EFCAB11: variants seen among roughly 807,000 people sequenced by gnomAD.
EFCAB11 encodes EF-hand calcium-binding domain-containing protein 11.
EFCAB11 carries 14 observed loss-of-function variants against 23.0 expected under a neutral mutation model. The observed-to-expected ratio is 0.61, with a 90% confidence interval of 0.40 to 0.95. The LOEUF (loss-of-function observed/expected upper bound fraction) is 0.95. Ranked by LOEUF, EFCAB11 falls within the 40% of genes least tolerant of loss-of-function variation. EFCAB11 has a pLI of 0.00. For missense variants in EFCAB11, 198 were observed against 195.8 expected (o/e 1.01, Z -0.07); for synonymous variants, 65 against 66.6 (o/e 0.98, Z 0.11).
intron 5 of EFCAB11, among the ~76,000 whole-genome samples, chr14:89,880,342 G>A (rs1888563355): frequency 6.6e-6 from 1 of 152,108 alleles, no homozygotes; most frequent in Non-Finnish European, 1.5e-5. Context: ...CCTGATCTTG[G>A]ACTTCCCAGC....
chr14:89,856,319 A>G (rs1248989365), intron 5 of EFCAB11, among the ~76,000 whole-genome samples: 1 of 151,802 alleles, frequency 6.6e-6, no homozygotes, highest in Non-Finnish European at 1.5e-5. Flanking sequence ...CCCCCAAATA[A>G]CTGGGACTAC....
At chr14:89,928,180 G>T (rs950478544) in intron 5 of EFCAB11, among the ~76,000 whole-genome samples, 4 of 152,130 alleles carry the variant, frequency 2.6e-5, no homozygotes, top group Non-Finnish European at 4.4e-5. Flanking sequence ...GGAAGTACAA[G>T]ATTTGTGGGC....
chr14:89,903,561 G>A (rs1445492136), intron 5 of EFCAB11, among the ~76,000 whole-genome samples: 2 of 145,584 alleles, frequency 1.4e-5, no homozygotes, highest in Non-Finnish European at 3.0e-5. Context: ...TCCTTATAAT[G>A]GGTAAAAGAG....
chr14:89,852,047 AG>A (rs1887615545), intron 5 of EFCAB11, among the ~76,000 whole-genome samples: 1 of 152,222 alleles, frequency 6.6e-6, no homozygotes, highest in South Asian at 2.1e-4. Flanking sequence ...AATACTTAGG[AG>A]TGGACAGAGG....
chr14:89,840,287 G>A (rs564162524), intron 5 of EFCAB11, among the ~76,000 whole-genome samples: 1 of 152,314 alleles, frequency 6.6e-6, no homozygotes, highest in South Asian at 2.1e-4. Flanking sequence ...GTATTTTATA[G>A]ACTAGGCTTA....
intron 5 of EFCAB11, among the ~76,000 whole-genome samples, chr14:89,893,231 G>A (rs1889038562): frequency 6.6e-6 from 1 of 152,188 alleles, no homozygotes; most frequent in African/African-American, 2.4e-5. Flanking sequence ...TCCAAGGGGA[G>A]CTTGGCTTGG....
rs143067978 is a variant in EFCAB11, at chr14:89,841,155, T to C, written c.411-43831A>G. On this transcript the variant is annotated intron_variant, in intron 5 of 5. Coordinates refer to ENST00000316738, the MANE Select transcript of EFCAB11 (RefSeq NM_145231.4). The stretch of plus-strand genomic sequence containing the variant: ...TTTCCATTTGCTAGTTAAACTATCA[T>C]ACATCCTCATCTGTCTCAGCTAATG... Among the ~76,000 whole-genome samples the C allele has an allele frequency of 1.4e-4, 21 of 152,324 alleles. No individual in the cohort carries two copies. The East Asian group carries it at 4.1e-3, about 29-fold the overall frequency.
At chr14:89,856,940 T>C (rs953137635) in intron 5 of EFCAB11, among the ~76,000 whole-genome samples, 5 of 152,244 alleles carry the variant, frequency 3.3e-5, no homozygotes, top group Non-Finnish European at 7.3e-5. Flanking sequence ...CAGTGATTCA[T>C]TCTGGGCAAA....
At chr14:89,914,890 G>A (rs1314558420) in intron 5 of EFCAB11, among the ~76,000 whole-genome samples, 3 of 151,928 alleles carry the variant, frequency 2.0e-5, no homozygotes, top group African/African-American at 4.8e-5. Context: ...TGTATCTCAG[G>A]ACACATTCAA....
chr14:89,797,331 A>T lies in EFCAB11; in HGVS notation c.411-7T>A, dbSNP rs779483823. 41 of 1,611,966 alleles carry T rather than the reference A, an allele frequency of 2.5e-5. No homozygotes were observed. The South Asian group carries it at 4.5e-4, about 18-fold the overall frequency. On this transcript the variant is annotated splice_polypyrimidine_tract_variant and splice_region_variant and intron_variant, in intron 5 of 5. Transcript: ENST00000316738. ...TGAATCTCGATCTACTTCCCTGGAA[A>T]ATGAAACAAAAAGTCATTTACACAT...
chr14:89,830,851 T>A (rs988350827), intron 5 of EFCAB11: 2 of 152,198 alleles, frequency 1.3e-5, no homozygotes, highest in Admixed American at 1.3e-4. Context: ...AAACAAACCT[T>A]TAAAAATCAT....
At chr14:89,946,853 C>T (rs185873139) in intron 3 of EFCAB11, among the ~76,000 whole-genome samples, 23 of 151,718 alleles carry the variant, frequency 1.5e-4, no homozygotes, top group Non-Finnish European at 2.8e-4. Flanking sequence ...GCTTGGATTA[C>T]AGGTGTGAGT....
intron 3 of EFCAB11, among the ~76,000 whole-genome samples, chr14:89,944,309 A>T (rs146704566): frequency 0.073 from 11,115 of 152,286 alleles, 716 homozygotes; most frequent in South Asian, 0.22. Context: ...AGACTTATTC[A>T]CTATCACAAG....
intron 5 of EFCAB11, among the ~76,000 whole-genome samples, chr14:89,812,791 T>A (rs1452725726): frequency 6.6e-6 from 1 of 152,204 alleles, no homozygotes; most frequent in Non-Finnish European, 1.5e-5. Context: ...TTCGTTAACA[T>A]GTTAGATTGT....
intron 5 of EFCAB11, among the ~76,000 whole-genome samples, chr14:89,807,708 T>C (rs1886014678): frequency 6.6e-6 from 1 of 152,194 alleles, no homozygotes; most frequent in African/African-American, 2.4e-5. Flanking sequence ...TAGTATAATA[T>C]TTTGAGTGGG....
chr14:89,852,153 A>G (rs1181960034), intron 5 of EFCAB11, among the ~76,000 whole-genome samples: 1 of 152,238 alleles, frequency 6.6e-6, no homozygotes, highest in Non-Finnish European at 1.5e-5. Context: ...TGTATCATAG[A>G]TGGGACAACT....
chr14:89,861,052 T>C (rs1379482942), intron 5 of EFCAB11, among the ~76,000 whole-genome samples: 1 of 152,214 alleles, frequency 6.6e-6, no homozygotes, highest in African/African-American at 2.4e-5. Flanking sequence ...ATTTCTTGAC[T>C]TTTCTGTTCT....
intron 3 of EFCAB11, among the ~76,000 whole-genome samples, chr14:89,933,185 T>C (rs1566817495): frequency 6.6e-6 from 1 of 152,172 alleles, no homozygotes; most frequent in Non-Finnish European, 1.5e-5. Context: ...CCCCACAACG[T>C]GTGGAGCAGC....
At chr14:89,923,742 G>C (rs1369298491) in intron 5 of EFCAB11, 2 of 985,274 alleles carry the variant, frequency 2.0e-6, no homozygotes, top group African/African-American at 3.5e-5. Flanking sequence ...GAAGTTGCAT[G>C]ATCATACACA....
Sources: gnomAD v4.1 joint callset for allele counts (sites outside exome capture counted in the v4.1 genomes callset) on GRCh38, gnomAD v4.1.1 for gene constraint, MANE v1.5 for transcripts, NCBI Gene and HGNC (gene_info 2026-07-23, HGNC 2026-07-21) for gene names.